TMPRSS11F: variants seen among roughly 807,000 people sequenced by gnomAD.
The protein encoded by TMPRSS11F is transmembrane protease serine 11F.
In TMPRSS11F, 47 loss-of-function variants were observed where a neutral mutation model predicts 60.2. The ratio of observed to expected loss-of-function variants is 0.78; its 90% CI spans 0.62 to 1.00. The LOEUF is 1.00. Ranked by LOEUF, TMPRSS11F falls within the 50% of genes least tolerant of loss-of-function variation. The pLI is 0.00. For synonymous variants in TMPRSS11F, 166 were observed against 167.3 expected, an observed-to-expected ratio of 0.99 and a Z score of 0.06; for missense variants, 519 against 522.9, an observed-to-expected ratio of 0.99 and a Z score of 0.07.
intron 9 of TMPRSS11F, among the ~76,000 whole-genome samples, chr4:68,054,856 AAACAACAAC>A (rs375147874): frequency 1.3e-5 from 2 of 152,150 alleles, no homozygotes; most frequent in Non-Finnish European, 2.9e-5. Context: ...TTTAGGTTAA[AAACAACAAC>A]AACAACAACA....
intron 2 of TMPRSS11F, among the ~76,000 whole-genome samples, chr4:68,091,456 C>T (rs1464202556): frequency 6.6e-6 from 1 of 152,038 alleles, no homozygotes; most frequent in African/African-American, 2.4e-5. Flanking sequence ...TTGATGACTC[C>T]TAAATTCTTT....
At chr4:68,054,856 AAAC>A (rs375147874) in intron 9 of TMPRSS11F, among the ~76,000 whole-genome samples, 3 of 152,148 alleles carry the variant, frequency 2.0e-5, no homozygotes, top group Admixed American at 6.5e-5. Context: ...TTTAGGTTAA[AAAC>A]AACAACAACA....
At chr4:68,088,219 CAA>C (rs992098616) in intron 3 of TMPRSS11F, among the ~76,000 whole-genome samples, 1 of 150,808 alleles carries the variant, frequency 6.6e-6, no homozygotes, top group African/African-American at 2.4e-5. Flanking sequence ...AAATGGAAAA[CAA>C]AAAAAGGCAG....
At chr4:68,054,874 CAAT>C (rs1350508618) in intron 9 of TMPRSS11F, among the ~76,000 whole-genome samples, 1 of 152,084 alleles carries the variant, frequency 6.6e-6, no homozygotes, top group African/African-American at 2.4e-5. Flanking sequence ...ACAACAACAA[CAAT>C]ATTAAATAAG....
At chr4:68,116,121 T>C (rs1724514791) in intron 1 of TMPRSS11F, among the ~76,000 whole-genome samples, 1 of 151,854 alleles carries the variant, frequency 6.6e-6, no homozygotes, top group African/African-American at 2.4e-5. Flanking sequence ...ACTTAGAAAA[T>C]ACAGAAGAAA....
chr4:68,111,791 C>T (rs993013157), intron 1 of TMPRSS11F, among the ~76,000 whole-genome samples: 7 of 152,084 alleles, frequency 4.6e-5, no homozygotes, highest in Admixed American at 1.3e-4. Context: ...TTAGTTAAGG[C>T]TTAGAGAGAC....
At chr4:68,057,999 T>G (rs559107506) in intron 9 of TMPRSS11F, among the ~76,000 whole-genome samples, 1 of 152,266 alleles carries the variant, frequency 6.6e-6, no homozygotes, top group Admixed American at 6.5e-5. Flanking sequence ...TTTACCTATA[T>G]GTGCAATCTA....
chr4:68,089,411 A>T (rs1238081159), intron 3 of TMPRSS11F, among the ~76,000 whole-genome samples: 1 of 152,174 alleles, frequency 6.6e-6, no homozygotes, highest in African/African-American at 2.4e-5. Flanking sequence ...ACTAGTTGAA[A>T]TTGAACAGGA....
intron 3 of TMPRSS11F, chr4:68,080,694 C>T (rs537032831): frequency 6.6e-6 from 1 of 152,182 alleles, no homozygotes; most frequent in Non-Finnish European, 1.5e-5. Flanking sequence ...CTAGCTTCTT[C>T]CTTTGCCCTT....
chr4:68,090,384 T>C, intron 3 of TMPRSS11F, 139 bp downstream of exon 3: 1 of 1,307,382 alleles, frequency 7.6e-7, no homozygotes. Flanking sequence ...AATTTAATCC[T>C]CACAACTGTA....
chr4:68,077,730 G>A (rs1316144843), intron 3 of TMPRSS11F: 5 of 152,228 alleles, frequency 3.3e-5, no homozygotes, highest in African/African-American at 4.8e-5. Flanking sequence ...GTACCAGTAC[G>A]ATTCACAAGT....
At chr4:68,099,773 A>G (rs1466844830) in intron 1 of TMPRSS11F, among the ~76,000 whole-genome samples, 3 of 152,276 alleles carry the variant, frequency 2.0e-5, no homozygotes, top group African/African-American at 7.2e-5. Flanking sequence ...AGTCCATAGA[A>G]TAGGACCTAC....
chr4:68,108,062 A>C (rs1313755166), intron 1 of TMPRSS11F, among the ~76,000 whole-genome samples: 1 of 152,240 alleles, frequency 6.6e-6, no homozygotes, highest in Non-Finnish European at 1.5e-5. Flanking sequence ...AAGTGGAAGC[A>C]GCAAAACTGA....
intron 8 of TMPRSS11F, among the ~76,000 whole-genome samples, chr4:68,061,102 A>G (rs1427961357): frequency 6.6e-6 from 1 of 152,120 alleles, no homozygotes; most frequent in Non-Finnish European, 1.5e-5. Flanking sequence ...TACATTAGGT[A>G]AGAAGCAAAA....
At chr4:68,069,589 C>T (rs1461922254) in intron 6 of TMPRSS11F, among the ~76,000 whole-genome samples, 1 of 151,332 alleles carries the variant, frequency 6.6e-6, no homozygotes, top group South Asian at 2.1e-4. Flanking sequence ...AGAGAATGTA[C>T]ATAACAGATA....
At chr4:68,073,279 C>G (rs999327058) in intron 4 of TMPRSS11F, among the ~76,000 whole-genome samples, 16 of 151,936 alleles carry the variant, frequency 1.1e-4, no homozygotes, top group Non-Finnish European at 2.4e-4. Context: ...TTAAAGAAAG[C>G]AGTTATAAAA....
intron 1 of TMPRSS11F, among the ~76,000 whole-genome samples, chr4:68,129,079 T>A (rs529343914): frequency 6.6e-6 from 1 of 152,172 alleles, no homozygotes; most frequent in Non-Finnish European, 1.5e-5. Context: ...AGAACCTTTT[T>A]AAGAAACAAG....
chr4:68,058,799 G>T (rs962904153), intron 9 of TMPRSS11F, among the ~76,000 whole-genome samples: 6 of 152,184 alleles, frequency 3.9e-5, no homozygotes, highest in Admixed American at 2.0e-4. Context: ...AACACTGGGG[G>T]ATAGTAGTCA....
intron 2 of TMPRSS11F, among the ~76,000 whole-genome samples, chr4:68,093,826 C>A (rs113515143): frequency 0.41 from 58,913 of 144,348 alleles, 13,053 homozygotes; most frequent in Non-Finnish European, 0.51. Context: ...CATCAGAGAA[C>A]TGCAAATCAA....
Sources: gnomAD v4.1 joint callset for allele counts (sites outside exome capture counted in the v4.1 genomes callset) on GRCh38, gnomAD v4.1.1 for gene constraint, MANE v1.5 for transcripts, NCBI Gene and HGNC (gene_info 2026-07-23, HGNC 2026-07-21) for gene names.